The following KIFC3 variants were observed in gnomAD, a reference collection of about 807,000 sequenced individuals.
KIFC3 encodes kinesin family member C3.
KIFC3 carries 60 observed loss-of-function variants against 101.8 expected under a neutral mutation model. That is an observed-to-expected ratio of 0.59 (90% CI 0.48 to 0.73). The LOEUF (loss-of-function observed/expected upper bound fraction) is 0.73. Among genes scored for constraint, KIFC3 ranks in the 30% least tolerant of loss-of-function variants. KIFC3 has a pLI of 0.00. For synonymous variants in KIFC3, 476 were observed against 482.7 expected, an observed-to-expected ratio of 0.99 and a Z score of 0.18; for missense variants, 966 against 1,137.1, an observed-to-expected ratio of 0.85 and a Z score of 2.16.
At chr16:57,854,421 A>G (rs1023817381) in intron 1 of KIFC3, among the ~76,000 whole-genome samples, 7 of 152,172 alleles carry the variant, frequency 4.6e-5, no homozygotes, top group African/African-American at 1.4e-4. Flanking sequence ...TCAGGTCAGG[A>G]GTTCGAGACC....
intron 3 of KIFC3, chr16:57,791,070 C>CA: frequency 1.3e-5 from 3 of 237,884 alleles, no homozygotes; most frequent in Non-Finnish European, 2.0e-5. Context: ...CCTGTCTCTA[C>CA]AAAAAATGGA....
chr16:57,819,931 C>T (rs782774575), intron 1 of KIFC3, among the ~76,000 whole-genome samples: 16 of 151,800 alleles, frequency 1.1e-4, no homozygotes, highest in East Asian at 1.9e-4. Flanking sequence ...TGCAATGGCA[C>T]GATCTCGGCT....
At chr16:57,825,612 A>G (rs1555630655) in intron 1 of KIFC3, among the ~76,000 whole-genome samples, 1 of 152,114 alleles carries the variant, frequency 6.6e-6, no homozygotes, top group Non-Finnish European at 1.5e-5. Context: ...AAATGCCTCT[A>G]TCTACTTAGG....
At position 57,849,136 on chromosome 16, in the gene KIFC3, T is replaced by A. The variant is rs150893242; in HGVS notation, c.108+13593A>T. 3.3e-3 allele frequency among the ~76,000 whole-genome samples: 501 copies of A among 152,332 alleles called. 4 individuals carry two copies. Among genetic ancestry groups the A allele is most frequent in the African/African-American group, 0.011 (469 of 41,568 alleles). ...TAGTAATAAGCTTTAGAGGTTTATA[T>A]CTGTGGCTCTACTCGTCTAAATTTA... is the stretch of plus-strand genomic sequence containing the variant. On this transcript the variant is annotated intron_variant, in intron 1 of 2. Transcript: ENST00000563028.
intron 1 of KIFC3, among the ~76,000 whole-genome samples, chr16:57,857,244 G>A (rs1474514340): frequency 6.6e-6 from 1 of 152,088 alleles, no homozygotes; most frequent in African/African-American, 2.4e-5. Flanking sequence ...GTGAAGGTCA[G>A]GAATCGCCAT....
At chr16:57,778,049 T>C (rs575795678) in intron 3 of KIFC3, among the ~76,000 whole-genome samples, 1 of 152,056 alleles carries the variant, frequency 6.6e-6, no homozygotes, top group African/African-American at 2.4e-5. Context: ...GAGGCCAAGG[T>C]AGGAGGAGTG....
intron 7 of KIFC3, 58 bp from the exon 8 acceptor site, chr16:57,770,013 G>C: frequency 6.4e-7 from 1 of 1,561,926 alleles, no homozygotes; most frequent in Non-Finnish European, 8.6e-7. Context: ...AGGGGCAGGT[G>C]CCACACCGAG....
chr16:57,792,129 T>C (rs1361525947), intron 3 of KIFC3, among the ~76,000 whole-genome samples: 4 of 152,184 alleles, frequency 2.6e-5, no homozygotes, highest in Non-Finnish European at 5.9e-5. Flanking sequence ...TCTGTGGAAA[T>C]GTGGCTTCCA....
intron 1 of KIFC3, among the ~76,000 whole-genome samples, chr16:57,839,690 C>T (rs965073652): frequency 3.9e-5 from 6 of 152,110 alleles, no homozygotes; most frequent in Non-Finnish European, 8.8e-5. Flanking sequence ...AAAGCACTTC[C>T]TGTGACTTGA....
intron 1 of KIFC3, among the ~76,000 whole-genome samples, chr16:57,801,609 G>A (rs2054727744): frequency 6.6e-6 from 1 of 152,258 alleles, no homozygotes; most frequent in South Asian, 2.1e-4. Flanking sequence ...AGCCGGGGAA[G>A]GTGAAAGACC....
chr16:57,803,285 G>A, upstream of KIFC3: 1 of 695,466 alleles, frequency 1.4e-6, no homozygotes, highest in South Asian at 1.5e-5. Flanking sequence ...TGCCAGCCGG[G>A]AGAGACAGCT....
intron 1 of KIFC3, among the ~76,000 whole-genome samples, chr16:57,811,713 C>G (rs1025660618): frequency 2.0e-5 from 3 of 151,744 alleles, no homozygotes; most frequent in Admixed American, 1.3e-4. Context: ...GTCAGGAGTT[C>G]GAGACCAGCC....
At chr16:57,781,615 C>G (rs1026739610) in intron 3 of KIFC3, among the ~76,000 whole-genome samples, 1 of 152,222 alleles carries the variant, frequency 6.6e-6, no homozygotes, top group South Asian at 2.1e-4. Context: ...CCACCTGGCA[C>G]AGCAATGAGG....
upstream of KIFC3, among the ~76,000 whole-genome samples, chr16:57,804,273 CTG>C (rs1471574228): frequency 6.6e-6 from 1 of 152,158 alleles, no homozygotes; most frequent in Non-Finnish European, 1.5e-5. Flanking sequence ...GAAGCTAACA[CTG>C]TGTCAGGCAC....
At position 57,775,793 on chromosome 16, in the gene KIFC3, C is replaced by T. The variant is rs560156097; in HGVS notation, c.316-3505G>A. 2.5e-5 allele frequency: 25 copies of T among 985,642 alleles called. No individual in the cohort carries two copies. In the South Asian group the frequency reaches 3.8e-4, roughly 15 times the overall value. 61.1% of individuals were successfully genotyped at this position (985,642 alleles called of 1,614,324 possible). On this transcript the variant is annotated intron_variant, in intron 3 of 19. Coordinates refer to ENST00000445690, the MANE Select transcript of KIFC3 (RefSeq NM_001130100.2). ...AGGAGAAAGCAGACTCCCCACTAGG[C>T]GGCTGAAACGGTCCCAGGACAGCAT...
chr16:57,847,868 C>T (rs532959965), intron 1 of KIFC3, among the ~76,000 whole-genome samples: 1 of 151,754 alleles, frequency 6.6e-6, no homozygotes, highest in East Asian at 1.9e-4. Context: ...TCGCTGCAAC[C>T]TCTGCCTCCG....
intron 1 of KIFC3, among the ~76,000 whole-genome samples, chr16:57,861,158 T>C (rs247067): frequency 0.91 from 138,852 of 152,274 alleles, 63,303 homozygotes; most frequent in Middle Eastern, 0.97. Flanking sequence ...AGAATTTATA[T>C]GTGTACTATT....
intron 1 of KIFC3, among the ~76,000 whole-genome samples, chr16:57,849,565 G>A (rs1168249966): frequency 6.6e-6 from 1 of 152,118 alleles, no homozygotes; most frequent in Non-Finnish European, 1.5e-5. Context: ...GAAGGAGAAC[G>A]TAAACTCACT....
At chr16:57,803,202 C>G, upstream of KIFC3, 2 of 729,494 alleles carry the variant, frequency 2.7e-6, no homozygotes, top group Non-Finnish European at 4.9e-6. Flanking sequence ...CAGCAGTTCC[C>G]GGCCTTGCTG....
Sources: allele counts gnomAD v4.1 joint callset (sites outside exome capture counted in the v4.1 genomes callset), GRCh38; gene constraint gnomAD v4.1.1; transcripts MANE v1.5; gene names NCBI Gene and HGNC (gene_info 2026-07-23, HGNC 2026-07-21).